The following LNPEP variants were observed in gnomAD, a reference collection of about 807,000 sequenced individuals.
LNPEP encodes leucyl-cystinyl aminopeptidase.
LNPEP carries 64 observed loss-of-function variants against 120.6 expected under a neutral mutation model. The ratio of observed to expected loss-of-function variants is 0.53; its 90% CI spans 0.43 to 0.65. The LOEUF is 0.65. Ranked by LOEUF, LNPEP falls within the 30% of genes least tolerant of loss-of-function variation. The pLI, the probability that LNPEP is intolerant of heterozygous loss-of-function variation, is 0.00. For synonymous variants in LNPEP, 435 were observed against 425.4 expected (o/e 1.02, Z -0.28); for missense variants, 1,057 against 1,200.0 (o/e 0.88, Z 1.76).
At chr5:96,976,750 TA>T (rs61664403) in intron 1 of LNPEP, among the ~76,000 whole-genome samples, 48 of 148,054 alleles carry the variant, frequency 3.2e-4, no homozygotes, top group East Asian at 1.4e-3. Flanking sequence ...ATTTTTAAAT[TA>T]AAAAAAAAAA....
intron 4 of LNPEP, among the ~76,000 whole-genome samples, chr5:96,989,702 T>C (rs1276922422): frequency 6.6e-6 from 1 of 152,034 alleles, no homozygotes; most frequent in Non-Finnish European, 1.5e-5. Flanking sequence ...CTGAGCTATG[T>C]TGCTCTCTCT....
intron 1 of LNPEP, among the ~76,000 whole-genome samples, chr5:96,961,739 G>T (rs1454448089): frequency 6.6e-6 from 1 of 151,760 alleles, no homozygotes; most frequent in Non-Finnish European, 1.5e-5. Context: ...ATTATCTTTA[G>T]ATTACTTACA....
chr5:96,986,656 G>A lies in LNPEP; in HGVS notation c.1117G>A (p.Val373Ile), dbSNP rs41276279. 0.05 allele frequency: 79,962 copies of A among 1,613,090 alleles called. 2,331 individuals carry two copies. The highest frequency in any genetic ancestry group is 0.097 in the Middle Eastern group (584 of 6,050). Residue 373 changes from valine to isoleucine, a missense_variant, in exon 4 of 18, where the codon GTA (valine) becomes ATA (isoleucine). Physicochemically the swap from Val to Ile is conservative, Grantham distance 29. Transcript: ENST00000231368. ...AGAGATGAAGAACCTGAGTCAGGAC[G>A]TAAATGGAACCCTGGTATGTTGATG... Reference protein sequence around the residue: ...VGEMKNLSQDVNGTLVSIYAV... With the variant: ...VGEMKNLSQDINGTLVSIYAV...
intron 1 of LNPEP, among the ~76,000 whole-genome samples, chr5:96,948,126 T>C (rs566100080): frequency 5.3e-4 from 80 of 151,904 alleles, no homozygotes; most frequent in Middle Eastern, 3.4e-3. Context: ...TTCTCTTTTT[T>C]TTTTTTTTTG....
rs1193708221 is a variant in LNPEP at position 96,954,749 on chromosome 5, CAT to C, written c.19+18598_19+18599del. On this transcript the variant is annotated intron_variant, in intron 1 of 17. Transcript: ENST00000231368. Reference sequence around the variant, plus strand: ...ATATATATATACATATATATATACACATATATATATATATATATATATATTTT... The same window carrying C: ...ATATATATATACATATATATATACACATATATATATATATATATATATTTT... Among the ~76,000 whole-genome samples, 104 of 24,196 alleles carry C rather than the reference CAT, an allele frequency of 4.3e-3. 20 individuals are homozygous for C. Among genetic ancestry groups the C allele is most frequent in the African/African-American group, 0.011 (58 of 5,402 alleles). 15.9% of individuals were successfully genotyped at this position (24,196 alleles called of 152,430 possible). A position where few individuals can be genotyped will look rare whatever the true frequency, so the allele number is the denominator to read the frequency against.
rs539655836 is a variant in LNPEP, at chr5:96,966,632, A to G, written c.20-12506A>G. On this transcript the variant is annotated intron_variant, in intron 1 of 17. Coordinates refer to ENST00000231368, the MANE Select transcript of LNPEP (RefSeq NM_005575.3). The stretch of plus-strand genomic sequence containing the variant: ...TATATGTCGGAACCTCAGTTTTCTC[A>G]AAGGTAAAATGTGGATAATAACTGC... Among the ~76,000 whole-genome samples the G allele has an allele frequency of 2.5e-3, 381 of 151,844 alleles. 1 individual carries two copies. The highest frequency in any genetic ancestry group is 4.4e-3 in the Non-Finnish European group (298 of 67,936).
chr5:97,022,902 T>C (rs901989301), intron 14 of LNPEP, among the ~76,000 whole-genome samples: 6 of 151,410 alleles, frequency 4.0e-5, no homozygotes, highest in Non-Finnish European at 8.8e-5. Context: ...ACAAGACTTT[T>C]TAAAAAATTG....
At chr5:96,958,992 A>T (rs1352314456) in intron 1 of LNPEP, among the ~76,000 whole-genome samples, 2 of 151,644 alleles carry the variant, frequency 1.3e-5, no homozygotes. Flanking sequence ...TGCCCAGCTA[A>T]TTTTTGTATT....
rs1368807559 is a variant in LNPEP at position 97,036,794 on chromosome 5, T to C, written c.*8261T>C. ...TAGTGTTGAAAAAGTAGCCTATACT[T>C]TGCTATTACTTATACCTGCTGCCAT... On this transcript the variant is annotated 3_prime_UTR_variant, in exon 18 of 18. Coordinates refer to ENST00000231368, the MANE Select transcript of LNPEP (RefSeq NM_005575.3). 1 of 152,188 alleles carries C rather than the reference T, an allele frequency of 6.6e-6. No individual in the cohort carries two copies. The highest frequency in any genetic ancestry group is 1.5e-5 in the Non-Finnish European group (1 of 68,028). The allele number at this position is 152,188 out of a possible 1,614,324, so 9.4% of individuals were successfully genotyped here.
intron 2 of LNPEP, among the ~76,000 whole-genome samples, chr5:96,983,885 G>A (rs1467784244): frequency 6.6e-6 from 1 of 152,166 alleles, no homozygotes; most frequent in Non-Finnish European, 1.5e-5. Flanking sequence ...CAATCTTCAT[G>A]AAAATGCAAG....
At chr5:96,973,286 C>T (rs947170805) in intron 1 of LNPEP, among the ~76,000 whole-genome samples, 2 of 151,688 alleles carry the variant, frequency 1.3e-5, no homozygotes, top group Non-Finnish European at 2.9e-5. Flanking sequence ...AAAAAATCAC[C>T]TTTTTTTTGT....
chr5:96,974,428 C>G (rs1439581026), intron 1 of LNPEP, among the ~76,000 whole-genome samples: 1 of 152,152 alleles, frequency 6.6e-6, no homozygotes, highest in Non-Finnish European at 1.5e-5. Flanking sequence ...CCCTGTCCCT[C>G]TGGATGCTAC....
At chr5:96,944,527 C>G (rs1789136139) in intron 1 of LNPEP, among the ~76,000 whole-genome samples, 1 of 123,988 alleles carries the variant, frequency 8.1e-6, no homozygotes, top group African/African-American at 3.0e-5. Context: ...TAGGTGGATT[C>G]AAAGATTTTC....
intron 1 of LNPEP, among the ~76,000 whole-genome samples, chr5:96,940,630 C>T (rs1299216986): frequency 6.6e-6 from 1 of 152,200 alleles, no homozygotes; most frequent in African/African-American, 2.4e-5. Flanking sequence ...CTGTTCATAA[C>T]TGTTTGCATG....
In LNPEP at chr5:97,027,714, T is replaced by G. The variant is rs373565844; in HGVS notation, c.2865-19T>G. 50 of 1,522,032 alleles carry G rather than the reference T, an allele frequency of 3.3e-5. 1 individual carries two copies. The African/African-American group carries it at 6.6e-4, about 20-fold the overall frequency. The allele number at this position is 1,522,032 out of a possible 1,614,324, so 94.3% of individuals were successfully genotyped here. On this transcript the variant is annotated intron_variant, in intron 16 of 17. Transcript: ENST00000231368. ...AGCAGCTGCCTAATCTTTTTGCTCT[T>G]GTTTTTGTGTTTCTTCAGGTTCCCT...
intron 13 of LNPEP, among the ~76,000 whole-genome samples, chr5:97,021,266 A>G (rs956115925): frequency 1.3e-5 from 2 of 152,372 alleles, no homozygotes; most frequent in African/African-American, 2.4e-5. Context: ...TGTGTTATAC[A>G]CACTTGAAAA....
intron 9 of LNPEP, among the ~76,000 whole-genome samples, chr5:97,004,241 G>C (rs570328473): frequency 6.6e-5 from 10 of 152,334 alleles, no homozygotes; most frequent in African/African-American, 2.4e-4. Context: ...TTGACTGAGC[G>C]TGGTGGCTCA....
At chr5:96,967,738 G>T (rs1789763882) in intron 1 of LNPEP, among the ~76,000 whole-genome samples, 1 of 152,010 alleles carries the variant, frequency 6.6e-6, no homozygotes, top group Non-Finnish European at 1.5e-5. Flanking sequence ...CCCTTGAAGA[G>T]TTTATGCATG....
chr5:96,937,379 T>C (rs910837433), intron 1 of LNPEP: 2 of 152,224 alleles, frequency 1.3e-5, no homozygotes, highest in Non-Finnish European at 2.9e-5. Flanking sequence ...GTCTGCACTG[T>C]TTAATTAGGC....
Sources: gnomAD v4.1 joint callset for allele counts (sites outside exome capture counted in the v4.1 genomes callset) on GRCh38, gnomAD v4.1.1 for gene constraint, MANE v1.5 for transcripts, NCBI Gene and HGNC (gene_info 2026-07-23, HGNC 2026-07-21) for gene names.